The following NHS variants were observed in gnomAD, a reference collection of about 807,000 sequenced individuals.
The protein encoded by NHS is actin remodeling regulator NHS.
In NHS, 5 loss-of-function variants were observed where a neutral mutation model predicts 72.5. The observed-to-expected ratio is 0.07, with a 90% CI of 0.04 to 0.14. NHS has a LOEUF of 0.14. Ranked by LOEUF, NHS falls within the 10% of genes least tolerant of loss-of-function variation. The probability of loss-of-function intolerance (pLI) is 1.00; values close to 1 mark genes in which losing one functional copy is unlikely to be tolerated. For missense variants in NHS, 1,072 were observed against 1,355.7 expected, an observed-to-expected ratio of 0.79 and a Z score of 3.29; for synonymous variants, 464 against 547.7, an observed-to-expected ratio of 0.85 and a Z score of 2.13.
intron 1 of NHS, among the ~76,000 whole-genome samples, chrX:17,560,996 C>T (rs1341249371): frequency 1.8e-5 from 2 of 112,336 alleles, no homozygotes; most frequent in Non-Finnish European, 3.8e-5. Flanking sequence ...CCCTTTCATG[C>T]CTGCCCACCA....
At chrX:17,603,393 A>C (rs758462842) in intron 1 of NHS, among the ~76,000 whole-genome samples, 2 of 112,480 alleles carry the variant, frequency 1.8e-5, no homozygotes, top group African/African-American at 6.5e-5. Context: ...GAATTCAAGA[A>C]ATACGGTGGC....
chrX:17,636,236 T>C (rs1354940269), intron 1 of NHS, among the ~76,000 whole-genome samples: 1 of 112,470 alleles, frequency 8.9e-6, no homozygotes, highest in Non-Finnish European at 1.9e-5. Flanking sequence ...AACCTCTCGT[T>C]TCTGTTACAT....
chrX:17,611,281 G>GT (rs1280552914), intron 1 of NHS, among the ~76,000 whole-genome samples: 5 of 111,978 alleles, frequency 4.5e-5, no homozygotes, highest in Admixed American at 1.9e-4. Flanking sequence ...AACACAATAA[G>GT]AGGGGAGGGG....
At chrX:17,539,111 T>G (rs1476932165) in intron 1 of NHS, among the ~76,000 whole-genome samples, 1 of 112,466 alleles carries the variant, frequency 8.9e-6, no homozygotes, top group African/African-American at 3.2e-5. Context: ...CCTTGTTGCT[T>G]CTTAAGCCTA....
intron 1 of NHS, among the ~76,000 whole-genome samples, chrX:17,626,790 A>G (rs1197380237): frequency 1.8e-5 from 2 of 112,189 alleles, no homozygotes; most frequent in Admixed American, 9.5e-5. Flanking sequence ...TAATTTAACA[A>G]GTTTCAAAGG....
chrX:17,649,622 A>T (rs1357916003), intron 1 of NHS, among the ~76,000 whole-genome samples: 1 of 110,712 alleles, frequency 9.0e-6, no homozygotes, highest in Non-Finnish European at 1.9e-5. Flanking sequence ...AAAGTTTTAT[A>T]GCTTGCTATA....
intron 4 of NHS, 108 bp downstream of exon 4, chrX:17,719,514 C>T (rs978423666): frequency 5.5e-5 from 33 of 600,734 alleles, no homozygotes; most frequent in Middle Eastern, 3.3e-4. Flanking sequence ...TTCTAACTAA[C>T]GGTTTTTCTT....
chrX:17,538,009 G>A (rs2065237734), intron 1 of NHS, among the ~76,000 whole-genome samples: 3 of 112,079 alleles, frequency 2.7e-5, no homozygotes, highest in African/African-American at 9.7e-5. Context: ...TGCTCAGCCT[G>A]GCTGTGGAGG....
intron 1 of NHS, among the ~76,000 whole-genome samples, chrX:17,642,249 G>A (rs1429229151): frequency 8.9e-6 from 1 of 111,993 alleles, no homozygotes; most frequent in African/African-American, 3.2e-5. Flanking sequence ...CTCGACCTAG[G>A]GTATATCTTT....
At chrX:17,537,871 A>G (rs1251927489) in intron 1 of NHS, among the ~76,000 whole-genome samples, 5 of 111,645 alleles carry the variant, frequency 4.5e-5, no homozygotes, top group Non-Finnish European at 7.5e-5. Flanking sequence ...GGGGCACGCG[A>G]CGCCTGAATT....
chrX:17,649,002 T>C (rs1263160440), intron 1 of NHS, among the ~76,000 whole-genome samples: 2 of 112,239 alleles, frequency 1.8e-5, no homozygotes, highest in East Asian at 5.6e-4. Flanking sequence ...TTTCCTTCCT[T>C]GACCCCTTAA....
chrX:17,597,126 T>G (rs1246518923), intron 1 of NHS, among the ~76,000 whole-genome samples: 8 of 102,126 alleles, frequency 7.8e-5, no homozygotes, highest in African/African-American at 1.1e-4. Flanking sequence ...GTTTTTTTTT[T>G]TTTTTTTTTT....
intron 1 of NHS, among the ~76,000 whole-genome samples, chrX:17,601,674 A>G (rs1459232933): frequency 8.9e-6 from 1 of 111,872 alleles, no homozygotes; most frequent in Non-Finnish European, 1.9e-5. Context: ...ATTGGCTTGG[A>G]TACTAGCAGT....
At chrX:17,381,992 T>G (rs887659395) in intron 1 of NHS, among the ~76,000 whole-genome samples, 11 of 112,600 alleles carry the variant, frequency 9.8e-5, no homozygotes, top group African/African-American at 3.5e-4. Context: ...TGGTTTTGAT[T>G]TGCATTTCTC....
chrX:17,616,106 T>C (rs1034925846), intron 1 of NHS, among the ~76,000 whole-genome samples: 2 of 112,332 alleles, frequency 1.8e-5, no homozygotes, highest in African/African-American at 6.5e-5. Context: ...GTGAGCGATA[T>C]CCCTGTATCA....
chrX:17,630,686 C>T (rs1265319984), intron 1 of NHS, among the ~76,000 whole-genome samples: 1 of 111,767 alleles, frequency 8.9e-6, no homozygotes, highest in Non-Finnish European at 1.9e-5. Context: ...CCATATCCAG[C>T]TTCCTTCATG....
intron 1 of NHS, among the ~76,000 whole-genome samples, chrX:17,576,595 G>T (rs577209687): frequency 8.9e-5 from 10 of 112,136 alleles, no homozygotes; most frequent in African/African-American, 3.2e-4. Context: ...GAATTAGTTT[G>T]AAAAACAGAA....
At chrX:17,646,540 C>T in intron 1 of NHS, among the ~76,000 whole-genome samples, 1 of 111,740 alleles carries the variant, frequency 8.9e-6, no homozygotes, top group Non-Finnish European at 1.9e-5. Context: ...GTACATGATA[C>T]TTTTATGTCT....
chrX:17,674,516 C>T (rs139035876), intron 1 of NHS, among the ~76,000 whole-genome samples: 31 of 112,149 alleles, frequency 2.8e-4, no homozygotes, highest in African/African-American at 7.1e-4. Flanking sequence ...GACTCAGGCA[C>T]AATCACTCAG....
Sources: gnomAD v4.1 joint callset for allele counts (sites outside exome capture counted in the v4.1 genomes callset) on GRCh38, gnomAD v4.1.1 for gene constraint, MANE v1.5 for transcripts, NCBI Gene and HGNC (gene_info 2026-07-23, HGNC 2026-07-21) for gene names.